ZMYM4: variants seen among roughly 807,000 people sequenced by gnomAD.
ZMYM4 encodes zinc finger MYM-type protein 4.
Under a neutral mutation model 183.2 loss-of-function variants are expected in ZMYM4, and 31 were observed. The ratio of observed to expected loss-of-function variants is 0.17; its 90% CI spans 0.13 to 0.23. The LOEUF is 0.23. ZMYM4 is among the 10% of genes least tolerant of loss of function. The probability of loss-of-function intolerance (pLI) is 1.00; values close to 1 mark genes in which losing one functional copy is unlikely to be tolerated. For missense variants in ZMYM4, 1,273 were observed against 1,840.3 expected (o/e 0.69, Z 5.64); for synonymous variants, 592 against 631.2 (o/e 0.94, Z 0.93).
chr1:35,325,318 G>A, intron 1 of ZMYM4, 42 bp from the exon 2 acceptor site: 2 of 1,567,178 alleles, frequency 1.3e-6, no homozygotes, highest in Non-Finnish European at 1.7e-6. Context: ...TATGATAGAA[G>A]ATATGATGGT....
At chr1:35,418,863 A>G (rs1304209704) in intron 29 of ZMYM4, among the ~76,000 whole-genome samples, 1 of 152,160 alleles carries the variant, frequency 6.6e-6, no homozygotes, top group Non-Finnish European at 1.5e-5. Context: ...TTATTTTGTT[A>G]TTTGTATAGA....
chr1:35,392,599 T>G, intron 16 of ZMYM4, 48 bp from the exon 17 acceptor site: 1 of 1,525,046 alleles, frequency 6.6e-7, no homozygotes, highest in Admixed American at 2.0e-5. Flanking sequence ...AATGCTAATG[T>G]TAAAATAATT....
intron 1 of ZMYM4, among the ~76,000 whole-genome samples, chr1:35,297,093 A>C (rs182887984): frequency 6.6e-6 from 1 of 151,696 alleles, no homozygotes; most frequent in East Asian, 1.9e-4. Context: ...CAGGTGATCC[A>C]CCTGCCCTGG....
intron 2 of ZMYM4, among the ~76,000 whole-genome samples, chr1:35,326,786 C>G (rs1368125579): frequency 6.6e-6 from 1 of 152,186 alleles, no homozygotes; most frequent in Non-Finnish European, 1.5e-5. Context: ...TCTAGAACAT[C>G]TGGAGCAAAC....
rs1043921758 is a variant in ZMYM4 at position 35,418,645 on chromosome 1, C to T, written c.4439+73C>T. 247 of 1,577,022 alleles carry T rather than the reference C, an allele frequency of 1.6e-4. 1 individual carries two copies. The African/African-American group carries it at 3.0e-3, about 19-fold the overall frequency. The stretch of plus-strand genomic sequence containing the variant: ...ATATTTTGGATTTCAGATGCTTGAA[C>T]ATCAGAAAAGTAGCTTGCCCGTGGC... On this transcript the variant is annotated intron_variant, in intron 29 of 29. Coordinates refer to ENST00000314607, the MANE Select transcript of ZMYM4 (RefSeq NM_005095.3).
chr1:35,419,881 A>AT lies in ZMYM4; in HGVS notation c.*204_*205insT, dbSNP rs1640268018. 1.7e-6 allele frequency: 1 copy of AT among 579,010 alleles called. No individual in the cohort carries two copies. The highest frequency in any genetic ancestry group is 1.9e-5 in the African/African-American group (1 of 53,392). The allele number at this position is 579,010 out of a possible 1,614,324, so 35.9% of individuals were successfully genotyped here. ...TATGAACTGAGAAATGTTCTTTGGC[A>AT]GTGATATAGTTCTTAGACATCTTCA... is the stretch of plus-strand genomic sequence containing the variant. On this transcript the variant is annotated 3_prime_UTR_variant, in exon 30 of 30. Coordinates refer to ENST00000314607, the MANE Select transcript of ZMYM4 (RefSeq NM_005095.3).
At chr1:35,384,997 T>C (rs1644545433) in intron 9 of ZMYM4, among the ~76,000 whole-genome samples, 1 of 151,902 alleles carries the variant, frequency 6.6e-6, no homozygotes, top group South Asian at 2.1e-4. Context: ...CGCCTGCCAC[T>C]ATGCCTGGCT....
Position 35,397,606 on chromosome 1 carries a change from T to C in ZMYM4, c.3199+61T>C, listed in dbSNP as rs951954068. ...CACGTTTTACACATTTTCAGGTGAC[T>C]CAAGTAATTTTAAGTATAAGACAGG... On this transcript the variant is annotated intron_variant, in intron 20 of 29. Coordinates refer to ENST00000314607, the MANE Select transcript of ZMYM4 (RefSeq NM_005095.3). The C allele has an allele frequency of 3.5e-6, 5 of 1,440,586 alleles. No individual in the cohort carries two copies. In the African/African-American group the frequency reaches 7.2e-5, roughly 21 times the overall value. 89.2% of individuals were successfully genotyped at this position (1,440,586 alleles called of 1,614,324 possible).
At chr1:35,308,292 A>C (rs1379254798) in intron 1 of ZMYM4, among the ~76,000 whole-genome samples, 1 of 152,222 alleles carries the variant, frequency 6.6e-6, no homozygotes, top group East Asian at 1.9e-4. Flanking sequence ...GCACCTGACC[A>C]TAGTACTTAA....
At chr1:35,331,117 A>T (rs951272304) in intron 2 of ZMYM4, among the ~76,000 whole-genome samples, 2 of 17,998 alleles carry the variant, frequency 1.1e-4, no homozygotes, top group Non-Finnish European at 8.6e-3. Context: ...GTCTTTTTTA[A>T]AAAAAACTAC....
chr1:35,268,829 G>T lies in ZMYM4; in HGVS notation c.-218G>T. The T allele has an allele frequency of 5.0e-6, 2 of 399,334 alleles. No individual in the cohort carries two copies. The highest frequency in any genetic ancestry group is 8.5e-6 in the Non-Finnish European group (2 of 235,560). 24.7% of individuals were successfully genotyped at this position (399,334 alleles called of 1,614,324 possible). On this transcript the variant is annotated 5_prime_UTR_variant, in exon 1 of 30. Coordinates refer to ENST00000314607, the MANE Select transcript of ZMYM4 (RefSeq NM_005095.3). ...GAGTCCCGGCCCCCACCCCGTCCCC[G>T]GGCAGGCCCTCCCGCCCACGCGCGG... is the stretch of plus-strand genomic sequence containing the variant.
rs116028720 is a variant in ZMYM4 at position 35,296,647 on chromosome 1, G to A, written c.39+27562G>A. ...TTTTGATGAGAATGAACGTCCTCCT[G>A]TAGGGCATCTATTGCACATGAGGAT... On this transcript the variant is annotated intron_variant, in intron 1 of 29. Coordinates refer to ENST00000314607, the MANE Select transcript of ZMYM4 (RefSeq NM_005095.3). Among the ~76,000 whole-genome samples, 1,428 of 152,150 alleles carry A rather than the reference G, an allele frequency of 9.4e-3. 12 individuals carry two copies. The highest frequency in any genetic ancestry group is 0.017 in the Non-Finnish European group (1,126 of 68,008).
intron 1 of ZMYM4, 82 bp from the exon 2 acceptor site, chr1:35,325,278 T>C: frequency 7.7e-7 from 1 of 1,295,072 alleles, no homozygotes; most frequent in Non-Finnish European, 1.1e-6. Context: ...TACAGCTCCT[T>C]GGGGAATAGG....
At chr1:35,390,842 CAT>C (rs1644689195) in intron 15 of ZMYM4, among the ~76,000 whole-genome samples, 1 of 152,122 alleles carries the variant, frequency 6.6e-6, no homozygotes, top group African/African-American at 2.4e-5. Flanking sequence ...TAACAAAAGA[CAT>C]AAAGTCAAAA....
At chr1:35,293,996 G>C (rs149527761) in intron 1 of ZMYM4, among the ~76,000 whole-genome samples, 1 of 152,024 alleles carries the variant, frequency 6.6e-6, no homozygotes, top group Admixed American at 6.6e-5. Context: ...TTAGCTGGGC[G>C]TGGTGGCACG....
intron 2 of ZMYM4, among the ~76,000 whole-genome samples, chr1:35,343,155 T>C (rs1643265888): frequency 6.6e-6 from 1 of 152,216 alleles, no homozygotes; most frequent in Non-Finnish European, 1.5e-5. Flanking sequence ...CCTTTTGTTG[T>C]ATTGTTGGTG....
intron 1 of ZMYM4, among the ~76,000 whole-genome samples, chr1:35,311,356 AG>A (rs1005787390): frequency 6.7e-6 from 1 of 149,742 alleles, no homozygotes; most frequent in African/African-American, 2.5e-5. Context: ...CAGGAGGCGG[AG>A]GTTTCAGTGA....
chr1:35,288,359 G>T (rs993611526), intron 1 of ZMYM4, among the ~76,000 whole-genome samples: 1 of 152,150 alleles, frequency 6.6e-6, no homozygotes, highest in African/African-American at 2.4e-5. Context: ...TATTATTCCA[G>T]TTCTCTAAGG....
At position 35,337,845 on chromosome 1, in the gene ZMYM4, A is replaced by G. The variant is rs552123064; in HGVS notation, c.85+12440A>G. On this transcript the variant is annotated intron_variant, in intron 2 of 29. Coordinates refer to ENST00000314607, the MANE Select transcript of ZMYM4 (RefSeq NM_005095.3). ...TTCCAGCTACTTGGGAGGCTGAGGC[A>G]GGAATATCCTTTGAACTCAGGAGGT... Among the ~76,000 whole-genome samples the G allele has an allele frequency of 3.3e-5, 5 of 152,308 alleles. No individual in the cohort carries two copies. The East Asian group carries it at 7.7e-4, about 23-fold the overall frequency.
Sources: allele counts gnomAD v4.1 joint callset (sites outside exome capture counted in the v4.1 genomes callset), GRCh38; gene constraint gnomAD v4.1.1; transcripts MANE v1.5; gene names NCBI Gene and HGNC (gene_info 2026-07-23, HGNC 2026-07-21).